Variants in INAVA observed in about 807,000 individuals in gnomAD.
INAVA encodes the protein innate immunity activator.
In INAVA, 32 loss-of-function variants were observed where a neutral mutation model predicts 55.3. That is an observed-to-expected ratio of 0.58 (90% CI 0.44 to 0.78). INAVA has a LOEUF of 0.78. Among genes scored for constraint, INAVA ranks in the 30% least tolerant of loss-of-function variants. INAVA has a pLI of 0.00. For synonymous variants in INAVA, 294 were observed against 329.4 expected, an observed-to-expected ratio of 0.89 and a Z score of 1.16; for missense variants, 756 against 786.4, an observed-to-expected ratio of 0.96 and a Z score of 0.46.
rs1653623415 is a variant in INAVA, at chr1:200,909,338, C to T, written c.900C>T (p.Arg300=). The T allele has an allele frequency of 1.9e-6, 3 of 1,610,850 alleles. 1 individual carries two copies. The highest frequency in any genetic ancestry group is 2.2e-5 in the South Asian group (2 of 90,784). The change falls in exon 8 of 10, where the codon CGC becomes CGT. Residue 300 remains arginine (R), a synonymous_variant. Coordinates refer to ENST00000413687, the MANE Select transcript of INAVA (RefSeq NM_001142569.3). ...GTGTTCCTGGCCAGTGGCAGGGCCG[C>T]ACCAGTGCCCCAGCCACCCCTGAGA... ...IRGVPGQWQG[R]TSAPATPEIQ...
At chr1:200,902,528 G>A (rs1446804617) in intron 5 of INAVA, among the ~76,000 whole-genome samples, 3 of 152,236 alleles carry the variant, frequency 2.0e-5, no homozygotes, top group African/African-American at 4.8e-5. Context: ...TGGCTTGGCC[G>A]CAGAACAACA....
intron 6 of INAVA, 54 bp from the exon 7 acceptor site, chr1:200,908,676 G>A: frequency 2.1e-6 from 3 of 1,458,416 alleles, no homozygotes; most frequent in Non-Finnish European, 1.8e-6. Context: ...GGAGGTTCTT[G>A]TTGGGCCGGT....
At chr1:200,898,766 A>G (rs887209146) in intron 2 of INAVA, among the ~76,000 whole-genome samples, 3 of 152,350 alleles carry the variant, frequency 2.0e-5, no homozygotes, top group East Asian at 3.9e-4. Flanking sequence ...TCAGGCAGGC[A>G]CAGTGGCTCA....
At chr1:200,894,836 GACTTGCTC>G (rs1274620901), upstream of INAVA, 1 of 985,428 alleles carries the variant, frequency 1.0e-6, no homozygotes, top group Non-Finnish European at 1.2e-6. Context: ...TTCAGGGAAG[GACTTGCTC>G]ACCTGCTCCT....
chr1:200,907,674 A>G (rs933081802), intron 5 of INAVA, among the ~76,000 whole-genome samples, 160 bp from the exon 6 acceptor site: 1 of 151,220 alleles, frequency 6.6e-6, no homozygotes, highest in Non-Finnish European at 1.5e-5. Flanking sequence ...AAAAAAAAAA[A>G]TCACTCCCAA....
At chr1:200,892,025 G>C (rs1387219891), upstream of INAVA, among the ~76,000 whole-genome samples, 1 of 152,160 alleles carries the variant, frequency 6.6e-6, no homozygotes, top group African/African-American at 2.4e-5. Context: ...ACAGGACAAA[G>C]GGGCTTTTTA....
chr1:200,909,076 G>C (rs1436975942), intron 7 of INAVA, 136 bp downstream of exon 7: 5 of 1,297,580 alleles, frequency 3.9e-6, no homozygotes, highest in East Asian at 2.5e-5. Flanking sequence ...TGGGATGGAG[G>C]TGTGAGCCTT....
intron 5 of INAVA, among the ~76,000 whole-genome samples, chr1:200,904,637 G>A (rs1222644873): frequency 1.3e-5 from 2 of 152,154 alleles, no homozygotes; most frequent in South Asian, 2.1e-4. Flanking sequence ...GGTGTCCTGC[G>A]ATGCTGCTGC....
At chr1:200,898,794 C>T (rs1317468739) in intron 2 of INAVA, among the ~76,000 whole-genome samples, 2 of 152,336 alleles carry the variant, frequency 1.3e-5, no homozygotes, top group Non-Finnish European at 1.5e-5. Flanking sequence ...AATCCCAGCA[C>T]TTTGGGAGGC....
Position 200,915,627 on chromosome 1 carries a change from A to G in INAVA, c.*1998A>G, listed in dbSNP as rs1402928832. The G allele has an allele frequency of 6.6e-5, 10 of 151,476 alleles. No homozygotes were observed. The highest frequency in any genetic ancestry group is 5.9e-4 in the Admixed American group (9 of 15,258). The allele number at this position is 151,476 out of a possible 1,614,324, so 9.4% of individuals were successfully genotyped here. On this transcript the variant is annotated 3_prime_UTR_variant, in exon 10 of 10. Transcript: ENST00000413687. ...CTTTACATTAACTTATTGGTCTTGT[A>G]TAACACCTGGTGCCATTGCCAAGTG...
chr1:200,898,488 C>G (rs753790429), intron 2 of INAVA, 33 bp downstream of exon 2: 2 of 1,608,718 alleles, frequency 1.2e-6, no homozygotes, highest in Non-Finnish European at 1.7e-6. Flanking sequence ...CTGCCCTAGT[C>G]CCTAGTCCCT....
Position 200,909,257 on chromosome 1 carries a change from T to C in INAVA, c.819T>C (p.Ser273=). The C allele has an allele frequency of 1.2e-6, 2 of 1,600,738 alleles. No individual in the cohort carries two copies. Among genetic ancestry groups the C allele is most frequent in the South Asian group, 1.1e-5 (1 of 89,266 alleles). ...CCACCACACCACAGGATGGGCCCAGTGCCTCCAGCCTGTGGCTTCTGGAGC... is the reference window on the plus strand; with the variant it reads ...CCACCACACCACAGGATGGGCCCAGCGCCTCCAGCCTGTGGCTTCTGGAGC... ...SPATTPQDGP[S]ASSLWLLEPA... is the part of the protein sequence containing the mutation. Residue 273 remains serine, a synonymous_variant, in exon 8 of 10, where the codon AGT becomes AGC. Coordinates refer to ENST00000413687, the MANE Select transcript of INAVA (RefSeq NM_001142569.3).
chr1:200,914,682 C>T lies in INAVA; in HGVS notation c.*1053C>T, dbSNP rs1286411998. On this transcript the variant is annotated 3_prime_UTR_variant, in exon 10 of 10. Coordinates refer to ENST00000413687, the MANE Select transcript of INAVA (RefSeq NM_001142569.3). ...GCCAGGCTGGTCTCGAACTCCTGAC[C>T]TCAAGTGATCCACCTGCCTTGGCCT... The T allele has an allele frequency of 7.7e-6, 1 of 130,252 alleles. No homozygotes were observed. Among genetic ancestry groups the T allele is most frequent in the Non-Finnish European group, 1.6e-5 (1 of 61,788 alleles). The allele number at this position is 130,252 out of a possible 1,614,324, so 8.1% of individuals were successfully genotyped here. A position where few individuals can be genotyped will look rare whatever the true frequency, so the allele number is the denominator to read the frequency against.
upstream of INAVA, among the ~76,000 whole-genome samples, chr1:200,892,599 A>C (rs1323625811): frequency 6.6e-6 from 1 of 152,118 alleles, no homozygotes; most frequent in African/African-American, 2.4e-5. Context: ...TTCCTCACCA[A>C]CTGGTGGTCT....
chr1:200,902,778 C>T (rs1653320900), intron 5 of INAVA, among the ~76,000 whole-genome samples: 1 of 152,236 alleles, frequency 6.6e-6, no homozygotes. Flanking sequence ...CTCCCCTGCC[C>T]ACCGGGGCTG....
intron 5 of INAVA, among the ~76,000 whole-genome samples, chr1:200,902,356 G>C (rs1201875840): frequency 6.6e-6 from 1 of 152,192 alleles, no homozygotes; most frequent in African/African-American, 2.4e-5. Flanking sequence ...TTAATTTAGG[G>C]TAGAAAGTGC....
intron 4 of INAVA, among the ~76,000 whole-genome samples, chr1:200,900,629 C>T (rs543171931): frequency 6.6e-6 from 1 of 152,342 alleles, no homozygotes; most frequent in African/African-American, 2.4e-5. Flanking sequence ...TTCCCATGGG[C>T]CAGCCTGCCC....
At chr1:200,896,114 C>A (rs904355551) in intron 1 of INAVA, among the ~76,000 whole-genome samples, 3 of 152,156 alleles carry the variant, frequency 2.0e-5, no homozygotes, top group Non-Finnish European at 2.9e-5. Context: ...AGTCCCCACT[C>A]CTCTGCAACA....
chr1:200,906,839 T>A (rs372173891), intron 5 of INAVA, among the ~76,000 whole-genome samples: 43 of 152,302 alleles, frequency 2.8e-4, no homozygotes, highest in African/African-American at 9.1e-4. Context: ...CCCTTTTTTT[T>A]ATTTGAGACA....
Sources: gnomAD v4.1 joint callset for allele counts (sites outside exome capture counted in the v4.1 genomes callset) on GRCh38, gnomAD v4.1.1 for gene constraint, MANE v1.5 for transcripts, NCBI Gene and HGNC (gene_info 2026-07-23, HGNC 2026-07-21) for gene names.